The following DOCK9 variants were observed in gnomAD, a reference collection of about 807,000 sequenced individuals.
The protein encoded by DOCK9 is dedicator of cytokinesis 9, also known as dedicator of cytokinesis protein 9.
In DOCK9, 89 loss-of-function variants were observed where a neutral mutation model predicts 263.3. That is an observed-to-expected ratio of 0.34 (90% CI 0.28 to 0.40). DOCK9 has a LOEUF of 0.40. Ranked by LOEUF, DOCK9 falls within the 10% of genes least tolerant of loss-of-function variation. The pLI is 1.00. For missense variants in DOCK9, 2,140 were observed against 2,603.4 expected, an observed-to-expected ratio of 0.82 and a Z score of 3.87; for synonymous variants, 976 against 973.1, an observed-to-expected ratio of 1.00 and a Z score of -0.06.
At chr13:98,809,163 G>A (rs1229779759) in intron 47 of DOCK9, 189 bp downstream of exon 47, 4 of 1,510,298 alleles carry the variant, frequency 2.6e-6, no homozygotes, top group East Asian at 2.5e-5. Flanking sequence ...CAGGAAGAAA[G>A]AAAAAAAGCA....
chr13:98,943,064 G>C (rs556336370), intron 2 of DOCK9, among the ~76,000 whole-genome samples: 2 of 152,298 alleles, frequency 1.3e-5, no homozygotes, highest in African/African-American at 4.8e-5. Context: ...CATATGTAAG[G>C]TTTCACTTAT....
intron 39 of DOCK9, among the ~76,000 whole-genome samples, chr13:98,833,494 T>C (rs1396142537): frequency 6.6e-6 from 1 of 152,192 alleles, no homozygotes; most frequent in African/African-American, 2.4e-5. Context: ...ACCTTTCCCA[T>C]GTTTCTCTAC....
Position 98,805,102 on chromosome 13 carries a change from T to A in DOCK9, c.5622A>T (p.Arg1874Ser), listed in dbSNP as rs779573148. The A allele has an allele frequency of 6.2e-7, 1 of 1,611,302 alleles. No individual in the cohort carries two copies. The highest frequency in any genetic ancestry group is 8.5e-7 in the Non-Finnish European group (1 of 1,178,632). The change falls in exon 49 of 53, where the codon AGA (arginine) becomes AGT (serine). Residue 1874 changes from arginine (R) to serine (S), a missense_variant. Coordinates refer to ENST00000682017, the MANE Select transcript of DOCK9 (RefSeq NM_001366683.2). ...ACATGAAGCGGCGGATGTTGTGGGA[T>A]CTCTCAAACTCTGTTTTCCTTTCTT... ...ELQERKTEFERSHNIRRFMFE... is the reference protein window; with the variant it reads ...ELQERKTEFESSHNIRRFMFE...
Position 98,800,352 on chromosome 13 carries a change from C to G in DOCK9, c.5852G>C (p.Cys1951Ser). 1 of 1,613,384 alleles carries G rather than the reference C, an allele frequency of 6.2e-7. No homozygotes were observed. The highest frequency in any genetic ancestry group is 8.5e-7 in the Non-Finnish European group (1 of 1,179,636). ...SKKVAELRQL[C>S]SSAEVDMIKL... ...GATCATGTCCACCTCGGCCGAGGAG[C>G]ACAGCTGCCGGAGCTCCGCCACCTT... Residue 1951 changes from cysteine to serine, a missense_variant, in exon 50 of 53, where the codon TGC (cysteine) becomes TCC (serine). Physicochemically the swap from Cys to Ser is moderately radical, Grantham distance 112 (BLOSUM62 -1). Coordinates refer to ENST00000682017, the MANE Select transcript of DOCK9 (RefSeq NM_001366683.2).
intron 6 of DOCK9, 74 bp from the exon 7 acceptor site, chr13:98,921,162 T>C: frequency 2.8e-6 from 4 of 1,436,720 alleles, no homozygotes; most frequent in Non-Finnish European, 2.8e-6. Flanking sequence ...AACCCACTTA[T>C]GACTACATAC....
chr13:98,844,590 T>C (rs2093333800), intron 38 of DOCK9, among the ~76,000 whole-genome samples: 1 of 152,166 alleles, frequency 6.6e-6, no homozygotes, highest in South Asian at 2.1e-4. Context: ...CTCGAACTCC[T>C]GGTCTCAAGT....
Position 98,848,527 on chromosome 13 carries a change from C to A in DOCK9, c.4061+65G>T, listed in dbSNP as rs1473150155. ...CTGCCAACCGCCACTGATGACCAAT[C>A]CCACACAATCAGAGCCAGGCATCAC... On this transcript the variant is annotated intron_variant, in intron 37 of 52. Coordinates refer to ENST00000682017, the MANE Select transcript of DOCK9 (RefSeq NM_001366683.2). 5 of 1,542,272 alleles carry A rather than the reference C, an allele frequency of 3.2e-6. No individual in the cohort carries two copies. The African/African-American group carries it at 6.8e-5, about 21-fold the overall frequency.
At chr13:98,954,660 G>T (rs1186479428) in intron 2 of DOCK9, among the ~76,000 whole-genome samples, 1 of 152,168 alleles carries the variant, frequency 6.6e-6, no homozygotes, top group Non-Finnish European at 1.5e-5. Context: ...CCCACACAGA[G>T]TGCAGGGCCT....
At chr13:99,016,976 G>A (rs912615493) in intron 1 of DOCK9, among the ~76,000 whole-genome samples, 1 of 152,168 alleles carries the variant, frequency 6.6e-6, no homozygotes, top group African/African-American at 2.4e-5. Flanking sequence ...ATCCCATAAT[G>A]TCTGTTTTCT....
intron 9 of DOCK9, among the ~76,000 whole-genome samples, chr13:98,911,874 C>CTT (rs368270696): frequency 0.58 from 82,475 of 141,826 alleles, 24,555 homozygotes; most frequent in Middle Eastern, 0.69. Context: ...TAAAAAAACA[C>CTT]TTTTTTTTTT....
At position 99,067,465 on chromosome 13, in the gene DOCK9, CA is replaced by C. The variant is rs199516525; in HGVS notation, c.129+18757del. 4.7e-3 allele frequency among the ~76,000 whole-genome samples: 711 copies of C among 152,322 alleles called. 9 individuals carry two copies. The highest frequency in any genetic ancestry group is 0.016 in the African/African-American group (672 of 41,562). On this transcript the variant is annotated intron_variant, in intron 1 of 32. Transcript: ENST00000427887. ...GGCCTGAGAATGTGGAAAAAGATCACAAGGGAAGCCTGCAGCAGAGAAGACT... is the reference window on the plus strand; with the variant it reads ...GGCCTGAGAATGTGGAAAAAGATCACAGGGAAGCCTGCAGCAGAGAAGACT...
Position 98,904,644 on chromosome 13 carries a change from G to A in DOCK9, c.1023C>T (p.Asp341=). 2.6e-6 allele frequency: 4 copies of A among 1,556,012 alleles called. No individual in the cohort carries two copies. Among genetic ancestry groups the A allele is most frequent in the Non-Finnish European group, 3.5e-6 (4 of 1,148,672 alleles). Residue 341 remains aspartate, a synonymous_variant, in exon 10 of 53, where the codon GAC becomes GAT. Coordinates refer to ENST00000682017, the MANE Select transcript of DOCK9 (RefSeq NM_001366683.2). ...SESRVKLFYL[D]PDAQKLDFSS... ...AGATAGTTCTTACCTGGGCATCTGG[G>A]TCCAAATAAAAAAGTTTGACTCTGC...
At chr13:98,966,449 G>A (rs1242046580) in intron 1 of DOCK9, among the ~76,000 whole-genome samples, 1 of 152,212 alleles carries the variant, frequency 6.6e-6, no homozygotes. Flanking sequence ...AAAAGAAAAA[G>A]ATGTGCTATT....
intron 1 of DOCK9, among the ~76,000 whole-genome samples, chr13:99,032,970 G>C (rs756204685): frequency 1.9e-4 from 29 of 152,208 alleles, no homozygotes; most frequent in Non-Finnish European, 4.0e-4. Context: ...CTTAGGAGCA[G>C]ATTCCAGTAG....
upstream of DOCK9, chr13:99,087,922 CAGAGGTTTCAT>C (rs1452624672): frequency 1.3e-5 from 2 of 152,314 alleles, no homozygotes; most frequent in Non-Finnish European, 2.9e-5. Flanking sequence ...CCCAAATACC[CAGAGGTTTCAT>C]AGCCGCCATC....
intron 36 of DOCK9, among the ~76,000 whole-genome samples, chr13:98,849,181 C>G (rs1269436264): frequency 2.6e-5 from 4 of 151,936 alleles, no homozygotes; most frequent in African/African-American, 9.7e-5. Flanking sequence ...GGTGTTGAAT[C>G]TCGTTTCACC....
chr13:98,888,768 C>T (rs1168993835), intron 15 of DOCK9, 57 bp from the exon 16 acceptor site: 4 of 1,430,336 alleles, frequency 2.8e-6, no homozygotes, highest in Admixed American at 1.8e-5. Flanking sequence ...AAAACCGACA[C>T]TCTAGAGCAG....
At chr13:98,811,400 C>T (rs1445036059) in intron 45 of DOCK9, among the ~76,000 whole-genome samples, 3 of 151,182 alleles carry the variant, frequency 2.0e-5, no homozygotes, top group Admixed American at 1.3e-4. Flanking sequence ...AACTATTTCT[C>T]CCAATCTGTG....
At chr13:99,069,560 G>A (rs954881432) in intron 1 of DOCK9, among the ~76,000 whole-genome samples, 1 of 152,196 alleles carries the variant, frequency 6.6e-6, no homozygotes, top group African/African-American at 2.4e-5. Flanking sequence ...TGGACCAGGA[G>A]TTGGCAAACT....
Sources: allele counts gnomAD v4.1 joint callset (sites outside exome capture counted in the v4.1 genomes callset), GRCh38; gene constraint gnomAD v4.1.1; transcripts MANE v1.5; gene names NCBI Gene and HGNC (gene_info 2026-07-23, HGNC 2026-07-21).